AFG1L: variants seen among roughly 807,000 people sequenced by gnomAD.
The protein encoded by AFG1L is AFG1 like ATPase.
AFG1L carries 53 observed loss-of-function variants against 62.2 expected under a neutral mutation model. The observed-to-expected ratio is 0.85, with a 90% confidence interval of 0.68 to 1.07. The LOEUF (loss-of-function observed/expected upper bound fraction) is 1.07, where lower values mean the gene tolerates loss of function less well. Among genes scored for constraint, AFG1L ranks in the 50% least tolerant of loss-of-function variants. AFG1L has a pLI of 0.00. For missense variants in AFG1L, 555 were observed against 590.5 expected (o/e 0.94, Z 0.62); for synonymous variants, 228 against 210.3 (o/e 1.08, Z -0.73).
chr6:108,459,245 G>A (rs1377665876), intron 8 of AFG1L, among the ~76,000 whole-genome samples: 2 of 152,068 alleles, frequency 1.3e-5, no homozygotes, highest in African/African-American at 2.4e-5. Flanking sequence ...TTTTTTTCCA[G>A]TATTATACCT....
chr6:108,366,350 G>A lies in AFG1L; in HGVS notation c.748+18G>A. On this transcript the variant is annotated intron_variant, in intron 6 of 12. Coordinates refer to ENST00000368977, the MANE Select transcript of AFG1L (RefSeq NM_145315.5). ...ACCGGAAGGTAAAAACAAACATTGT[G>A]CTAGTCTCATCCAATTAGGTGGAAA... 4 of 1,522,004 alleles carry A rather than the reference G, an allele frequency of 2.6e-6. No individual in the cohort carries two copies. Among genetic ancestry groups the A allele is most frequent in the Non-Finnish European group, 3.6e-6 (4 of 1,099,588 alleles). The allele number at this position is 1,522,004 out of a possible 1,614,324, so 94.3% of individuals were successfully genotyped here.
At chr6:108,422,380 A>G (rs1305680400) in intron 7 of AFG1L, among the ~76,000 whole-genome samples, 1 of 151,246 alleles carries the variant, frequency 6.6e-6, no homozygotes, top group Non-Finnish European at 1.5e-5. Flanking sequence ...AAGCACTGAA[A>G]CAATAAGTCA....
chr6:108,354,421 C>T (rs1248995304), intron 3 of AFG1L, among the ~76,000 whole-genome samples: 3 of 152,226 alleles, frequency 2.0e-5, no homozygotes, highest in African/African-American at 7.2e-5. Context: ...TCTTCTGCCT[C>T]AGCCTCCTGA....
At chr6:108,429,759 C>T (rs1014108708) in intron 7 of AFG1L, among the ~76,000 whole-genome samples, 1 of 152,038 alleles carries the variant, frequency 6.6e-6, no homozygotes, top group East Asian at 1.9e-4. Context: ...GCTATTAGGG[C>T]TCTTTCTTGA....
chr6:108,402,115 T>G, intron 7 of AFG1L, 61 bp downstream of exon 7: 1 of 815,486 alleles, frequency 1.2e-6, no homozygotes, highest in Non-Finnish European at 1.9e-6. Context: ...TCAAGGGCTT[T>G]AGTAGGATTG....
rs761679591 is a variant in AFG1L, at chr6:108,477,235, C to T, written c.1005C>T (p.Arg335=). 1.2e-6 allele frequency: 2 copies of T among 1,609,624 alleles called. No individual in the cohort carries two copies. The highest frequency in any genetic ancestry group is 1.7e-6 in the Non-Finnish European group (2 of 1,177,030). Residue 335 remains arginine, a synonymous_variant, in exon 10 of 13, where the codon CGC becomes CGT. Transcript: ENST00000368977. ...TAAAAGTGCAAGGCAGAGAGCTGCGCCTGAATAAAGCCTGTGGAACCGTTG... is the reference window on the plus strand; with the variant it reads ...TAAAAGTGCAAGGCAGAGAGCTGCGTCTGAATAAAGCCTGTGGAACCGTTG... ...RILKVQGREL[R]LNKACGTVAD...
At chr6:108,514,661 T>C (rs1004805234) in intron 11 of AFG1L, among the ~76,000 whole-genome samples, 2 of 152,198 alleles carry the variant, frequency 1.3e-5, no homozygotes, top group Non-Finnish European at 2.9e-5. Flanking sequence ...TAACCTTAAA[T>C]GTAAATGGGC....
intron 7 of AFG1L, among the ~76,000 whole-genome samples, chr6:108,405,343 AT>A (rs1435213953): frequency 6.6e-6 from 1 of 152,182 alleles, no homozygotes; most frequent in Non-Finnish European, 1.5e-5. Context: ...CATAACAAAA[AT>A]TACTATTTTA....
intron 1 of AFG1L, among the ~76,000 whole-genome samples, chr6:108,311,674 AGT>A (rs1268691289): frequency 6.6e-6 from 1 of 151,328 alleles, no homozygotes; most frequent in Non-Finnish European, 1.5e-5. Flanking sequence ...CACTGCTTTG[AGT>A]GCAGTTAACA....
intron 1 of AFG1L, among the ~76,000 whole-genome samples, chr6:108,300,517 T>A (rs1313009822): frequency 6.6e-6 from 1 of 152,216 alleles, no homozygotes; most frequent in Non-Finnish European, 1.5e-5. Flanking sequence ...GTTTATTTTT[T>A]ATTTATTTGT....
intron 5 of AFG1L, among the ~76,000 whole-genome samples, chr6:108,361,494 TTATATA>T (rs1042087203): frequency 6.6e-6 from 1 of 152,024 alleles, no homozygotes; most frequent in Non-Finnish European, 1.5e-5. Flanking sequence ...TGTGTGTACT[TTATATA>T]TATGTAGGAA....
At chr6:108,425,724 G>A (rs1403057539) in intron 7 of AFG1L, among the ~76,000 whole-genome samples, 1 of 151,874 alleles carries the variant, frequency 6.6e-6, no homozygotes, top group East Asian at 1.9e-4. Flanking sequence ...TTGTCTTTAG[G>A]TGGAATTAAT....
chr6:108,469,230 T>G (rs1012552049), intron 8 of AFG1L, among the ~76,000 whole-genome samples: 14 of 152,202 alleles, frequency 9.2e-5, no homozygotes, highest in African/African-American at 3.1e-4. Context: ...TTTTGGCTAT[T>G]CAGTTTCCTC....
chr6:108,461,939 A>G (rs1425577212), intron 8 of AFG1L, among the ~76,000 whole-genome samples: 1 of 152,090 alleles, frequency 6.6e-6, no homozygotes, highest in Non-Finnish European at 1.5e-5. Flanking sequence ...CTAAAAGTAC[A>G]GAAAAATTAG....
At chr6:108,428,722 T>C (rs1265351638) in intron 7 of AFG1L, among the ~76,000 whole-genome samples, 1 of 152,186 alleles carries the variant, frequency 6.6e-6, no homozygotes, top group African/African-American at 2.4e-5. Context: ...CATTTTTCCA[T>C]ATGTTTGTTG....
intron 10 of AFG1L, among the ~76,000 whole-genome samples, chr6:108,492,528 T>C (rs1350476208): frequency 6.6e-6 from 1 of 152,246 alleles, no homozygotes; most frequent in East Asian, 1.9e-4. Context: ...TCACTTATTA[T>C]GTTCTGTAGT....
intron 10 of AFG1L, among the ~76,000 whole-genome samples, chr6:108,479,965 A>T (rs575149529): frequency 6.6e-6 from 1 of 152,346 alleles, no homozygotes; most frequent in East Asian, 1.9e-4. Context: ...CCAAGGAAAA[A>T]ATAATACAGA....
intron 2 of AFG1L, among the ~76,000 whole-genome samples, chr6:108,327,373 A>G (rs557873369): frequency 3.9e-5 from 6 of 152,360 alleles, no homozygotes; most frequent in East Asian, 1.9e-4. Flanking sequence ...TTGGGCTTCT[A>G]TAACAAAATA....
chr6:108,512,703 C>A (rs1463956202), intron 11 of AFG1L, among the ~76,000 whole-genome samples: 1 of 152,010 alleles, frequency 6.6e-6, no homozygotes, highest in Non-Finnish European at 1.5e-5. Flanking sequence ...CTCACCCCCA[C>A]CTTTTCACTT....
Sources: gnomAD v4.1 joint callset for allele counts (sites outside exome capture counted in the v4.1 genomes callset) on GRCh38, gnomAD v4.1.1 for gene constraint, MANE v1.5 for transcripts, NCBI Gene and HGNC (gene_info 2026-07-23, HGNC 2026-07-21) for gene names.